FXYD6: variants seen among roughly 807,000 people sequenced by gnomAD.
FXYD6 encodes the protein FXYD domain containing ion transport regulator 6, also known as FXYD domain-containing ion transport regulator 6.
In FXYD6, 7 loss-of-function variants were observed where a neutral mutation model predicts 16.7. The observed-to-expected ratio is 0.42, with a 90% CI of 0.24 to 0.79. The LOEUF is 0.79. FXYD6 is among the 30% of genes least tolerant of loss of function. The probability of loss-of-function intolerance (pLI) is 0.28; values close to 1 mark genes in which losing one functional copy is unlikely to be tolerated. For synonymous variants in FXYD6, 49 were observed against 43.0 expected (o/e 1.14, Z -0.54); for missense variants, 111 against 116.2 (o/e 0.95, Z 0.21).
In FXYD6 at chr11:117,840,862, A is replaced by G. The variant is rs145102516; in HGVS notation, c.209+286T>C. Among the ~76,000 whole-genome samples the G allele has an allele frequency of 2.8e-4, 42 of 152,106 alleles. 1 individual carries two copies. In the East Asian group the frequency reaches 7.6e-3, roughly 27 times the overall value. The stretch of plus-strand genomic sequence containing the variant: ...CTCTGCTTCCCTTCTCCCAAGCTCA[A>G]CTGTCCCAAGGGCCTCCAGAAAAGG... On this transcript the variant is annotated intron_variant, in intron 5 of 7. Coordinates refer to ENST00000526014, the MANE Select transcript of FXYD6 (RefSeq NM_022003.4).
intron 1 of FXYD6, among the ~76,000 whole-genome samples, chr11:117,848,983 A>G (rs2056542671): frequency 6.6e-6 from 1 of 152,080 alleles, no homozygotes. Flanking sequence ...CCCTTAAACA[A>G]TCTCTGGGTT....
chr11:117,858,784 C>CCTTCCTTCT, intron 1 of FXYD6, among the ~76,000 whole-genome samples: 1 of 128,398 alleles, frequency 7.8e-6, no homozygotes, highest in Non-Finnish European at 1.6e-5. Context: ...TTCCTTCTTT[C>CCTTCCTTCT]TTTTCTTTTT....
At chr11:117,873,929 C>T (rs1213059805) in intron 1 of FXYD6, among the ~76,000 whole-genome samples, 1 of 152,172 alleles carries the variant, frequency 6.6e-6, no homozygotes, top group Non-Finnish European at 1.5e-5. Flanking sequence ...TCCCAGTCAC[C>T]AGCCGACCAA....
intron 1 of FXYD6, among the ~76,000 whole-genome samples, chr11:117,871,215 G>A (rs1451875138): frequency 2.0e-5 from 3 of 152,160 alleles, no homozygotes; most frequent in African/African-American, 7.2e-5. Flanking sequence ...AAAGCAAGTG[G>A]GAGACTGAGG....
At chr11:117,854,334 T>TGCTGGAGTGCAG (rs2056676158) in intron 1 of FXYD6, among the ~76,000 whole-genome samples, 1 of 152,192 alleles carries the variant, frequency 6.6e-6, no homozygotes, top group Non-Finnish European at 1.5e-5. Context: ...AATAGGGCTC[T>TGCTGGAGTGCAG]TCCTGCCCCC....
At chr11:117,846,188 CT>C (rs1256743886) in intron 1 of FXYD6, among the ~76,000 whole-genome samples, 1 of 152,104 alleles carries the variant, frequency 6.6e-6, no homozygotes, top group African/African-American at 2.4e-5. Flanking sequence ...TAGAGCTGGA[CT>C]TTTTTCTCTG....
At chr11:117,876,289 C>T (rs1427992241) in intron 1 of FXYD6, among the ~76,000 whole-genome samples, 3 of 152,202 alleles carry the variant, frequency 2.0e-5, no homozygotes, top group Admixed American at 1.3e-4. Flanking sequence ...CTCCTGAAAA[C>T]CCTGACCCCA....
chr11:117,860,634 G>C (rs1490760174), intron 1 of FXYD6, among the ~76,000 whole-genome samples: 2 of 152,194 alleles, frequency 1.3e-5, no homozygotes, highest in African/African-American at 2.4e-5. Context: ...GAGAGCATGG[G>C]GTGCGGGCAG....
chr11:117,839,403 C>A (rs562089), intron 7 of FXYD6: 185,696 of 235,422 alleles, frequency 0.79, 73,724 homozygotes, highest in East Asian at 0.96. Flanking sequence ...TTTAAAAAAA[C>A]AAGTGGCCCT....
chr11:117,875,206 GTGTGTATAGGTATGATGTATATGTA>G (rs1320430258), intron 1 of FXYD6, among the ~76,000 whole-genome samples: 2 of 152,018 alleles, frequency 1.3e-5, no homozygotes, highest in Non-Finnish European at 2.9e-5. Flanking sequence ...TGGTGTGTAT[GTGTGTATAGGTATGATGTATATGTA>G]TGTGTGGTGT....
chr11:117,873,858 A>C (rs2057194354), intron 1 of FXYD6, among the ~76,000 whole-genome samples: 1 of 152,132 alleles, frequency 6.6e-6, no homozygotes, highest in Non-Finnish European at 1.5e-5. Context: ...CCAAGAAAAC[A>C]TAGTGAAGCA....
chr11:117,860,779 G>A (rs1196465934), intron 1 of FXYD6, among the ~76,000 whole-genome samples: 6 of 152,188 alleles, frequency 3.9e-5, no homozygotes, highest in Non-Finnish European at 7.3e-5. Flanking sequence ...TGTAACATTC[G>A]TAAGGTGCTC....
At chr11:117,863,832 A>T (rs140038629) in intron 1 of FXYD6, among the ~76,000 whole-genome samples, 1 of 152,188 alleles carries the variant, frequency 6.6e-6, no homozygotes, top group African/African-American at 2.4e-5. Context: ...AAAAATCTGA[A>T]GAGGAAACTA....
chr11:117,868,166 C>T (rs1182759452), intron 1 of FXYD6, among the ~76,000 whole-genome samples: 1 of 152,200 alleles, frequency 6.6e-6, no homozygotes, highest in African/African-American at 2.4e-5. Flanking sequence ...ACCCCATGAT[C>T]TGTCCTCACC....
At chr11:117,857,829 G>A (rs760690189) in intron 1 of FXYD6, among the ~76,000 whole-genome samples, 9 of 152,086 alleles carry the variant, frequency 5.9e-5, no homozygotes, top group Non-Finnish European at 1.2e-4. Context: ...GACTGGCCCC[G>A]AAGGCTTTTT....
intron 1 of FXYD6, among the ~76,000 whole-genome samples, chr11:117,869,828 C>T (rs946885977): frequency 4.6e-5 from 7 of 151,828 alleles, no homozygotes; most frequent in African/African-American, 7.3e-5. Context: ...GGACCATAAG[C>T]GGAGGCATGG....
chr11:117,858,764 CCTT>C lies in FXYD6; in HGVS notation c.-5-15986_-5-15984del, dbSNP rs1311627014. On this transcript the variant is annotated intron_variant, in intron 1 of 7. Coordinates refer to ENST00000526014, the MANE Select transcript of FXYD6 (RefSeq NM_022003.4). ...TCCTTCCTTCCTTCCTTCCTTCCTT[CCTT>C]CCTTCCTTCCTTCTTTCTTTTCTTT... Among the ~76,000 whole-genome samples the C allele has an allele frequency of 8.4e-4, 109 of 130,078 alleles. 5 individuals are homozygous for C. Among genetic ancestry groups the C allele is most frequent in the Non-Finnish European group, 1.1e-3 (68 of 60,372 alleles). The allele number at this position is 130,078 out of a possible 152,430, so 85.3% of individuals were successfully genotyped here.
intron 1 of FXYD6, among the ~76,000 whole-genome samples, chr11:117,857,520 T>C (rs928256068): frequency 6.0e-5 from 9 of 151,240 alleles, no homozygotes; most frequent in African/African-American, 2.2e-4. Flanking sequence ...GCGATTCTCC[T>C]GTCTCAGCCT....
intron 1 of FXYD6, among the ~76,000 whole-genome samples, chr11:117,859,664 A>C (rs1591580095): frequency 6.6e-6 from 1 of 152,200 alleles, no homozygotes; most frequent in Non-Finnish European, 1.5e-5. Context: ...GGCCTTAAAA[A>C]GCCTTCAGAG....
Sources: allele counts gnomAD v4.1 joint callset (sites outside exome capture counted in the v4.1 genomes callset), GRCh38; gene constraint gnomAD v4.1.1; transcripts MANE v1.5; gene names NCBI Gene and HGNC (gene_info 2026-07-23, HGNC 2026-07-21).